CADPS2: variants seen among roughly 807,000 people sequenced by gnomAD.
CADPS2 encodes calcium dependent secretion activator 2, also known as calcium-dependent secretion activator 2.
Under a neutral mutation model 172.5 loss-of-function variants are expected in CADPS2, and 93 were observed. That is an observed-to-expected ratio of 0.54 (90% CI 0.46 to 0.64). The LOEUF (loss-of-function observed/expected upper bound fraction) is 0.64. Among genes scored for constraint, CADPS2 ranks in the 30% least tolerant of loss-of-function variants. The pLI is 0.00. For missense variants in CADPS2, 1,420 were observed against 1,565.9 expected, an observed-to-expected ratio of 0.91 and a Z score of 1.57; for synonymous variants, 546 against 555.2, an observed-to-expected ratio of 0.98 and a Z score of 0.23.
intron 7 of CADPS2, among the ~76,000 whole-genome samples, chr7:122,566,136 C>T (rs1361169731): frequency 6.6e-6 from 1 of 152,142 alleles, no homozygotes; most frequent in Non-Finnish European, 1.5e-5. Flanking sequence ...TAAAATCCTA[C>T]TGCATATATG....
chr7:122,468,266 G>A (rs1018810798), intron 14 of CADPS2, among the ~76,000 whole-genome samples: 8 of 152,268 alleles, frequency 5.3e-5, no homozygotes, highest in African/African-American at 1.4e-4. Context: ...ATGTAAAAAT[G>A]ATCATAAAAT....
intron 29 of CADPS2, among the ~76,000 whole-genome samples, chr7:122,325,012 T>C (rs1033821374): frequency 5.3e-5 from 8 of 152,216 alleles, no homozygotes; most frequent in Non-Finnish European, 1.2e-4. Flanking sequence ...AGAGGCATGC[T>C]TCCAAAAGGA....
chr7:122,783,908 T>C (rs1187714559), intron 1 of CADPS2, among the ~76,000 whole-genome samples: 1 of 152,342 alleles, frequency 6.6e-6, no homozygotes. Context: ...ACCGATGTTA[T>C]GCAAACTCTC....
intron 6 of CADPS2, among the ~76,000 whole-genome samples, chr7:122,606,507 A>T (rs2073565793): frequency 6.6e-6 from 1 of 152,120 alleles, no homozygotes; most frequent in Non-Finnish European, 1.5e-5. Flanking sequence ...GAACACACAC[A>T]AGAAAAAGAA....
chr7:122,661,571 T>A (rs759205124), intron 3 of CADPS2, among the ~76,000 whole-genome samples: 1 of 152,090 alleles, frequency 6.6e-6, no homozygotes, highest in African/African-American at 2.4e-5. Context: ...ATCTCAGAAC[T>A]GAAAGGAATT....
At chr7:122,663,593 A>C (rs1233863827) in intron 2 of CADPS2, 24 bp from the exon 3 acceptor site, 3 of 1,518,002 alleles carry the variant, frequency 2.0e-6, no homozygotes, top group Non-Finnish European at 2.7e-6. Context: ...AAAACAAAAC[A>C]AAACAAAAAA....
intron 14 of CADPS2, among the ~76,000 whole-genome samples, chr7:122,466,885 A>G (rs1438069269): frequency 6.6e-6 from 1 of 152,130 alleles, no homozygotes; most frequent in Non-Finnish European, 1.5e-5. Flanking sequence ...TCACTCAGAG[A>G]TATTTCCAAC....
chr7:122,852,517 T>A (rs973322063), intron 1 of CADPS2, among the ~76,000 whole-genome samples: 1 of 152,150 alleles, frequency 6.6e-6, no homozygotes, highest in African/African-American at 2.4e-5. Flanking sequence ...GGTAGCAACT[T>A]TAAATAGGGA....
At chr7:122,702,847 A>T in intron 2 of CADPS2, 1 of 880,830 alleles carries the variant, frequency 1.1e-6, no homozygotes, top group Non-Finnish European at 1.7e-6. Context: ...GCAGATTACT[A>T]AAGCACATAA....
chr7:122,789,529 A>G (rs901014090), intron 1 of CADPS2, among the ~76,000 whole-genome samples: 2 of 152,210 alleles, frequency 1.3e-5, no homozygotes, highest in Non-Finnish European at 2.9e-5. Flanking sequence ...CTCTAACCTC[A>G]AAACATCTTT....
intron 8 of CADPS2, among the ~76,000 whole-genome samples, chr7:122,513,532 A>G (rs2060148254): frequency 6.6e-6 from 1 of 152,208 alleles, no homozygotes; most frequent in South Asian, 2.1e-4. Context: ...TGACTTATCA[A>G]TTTGTCAGTC....
At position 122,388,411 on chromosome 7, in the gene CADPS2, T is replaced by C. The variant is rs1295257134; in HGVS notation, c.3164+172A>G. Among the ~76,000 whole-genome samples, 3 of 152,084 alleles carry C rather than the reference T, an allele frequency of 2.0e-5. No individual in the cohort carries two copies. In the East Asian group the frequency reaches 5.8e-4, roughly 29 times the overall value. On this transcript the variant is annotated intron_variant, in intron 23 of 29. Transcript: ENST00000449022. ...GAAAAAAAGTATCCAGCCAATTTCA[T>C]CAATTACATGGGTCCCCAGAATTTA...
At chr7:122,825,612 T>C (rs1310342902) in intron 1 of CADPS2, among the ~76,000 whole-genome samples, 2 of 152,148 alleles carry the variant, frequency 1.3e-5, no homozygotes, top group Non-Finnish European at 2.9e-5. Context: ...TGTGAATATA[T>C]CTTATTATAT....
intron 7 of CADPS2, among the ~76,000 whole-genome samples, chr7:122,576,928 T>G (rs1375012297): frequency 6.6e-6 from 1 of 151,888 alleles, no homozygotes; most frequent in East Asian, 1.9e-4. Context: ...CCTGGATAAT[T>G]TTTTGTATTT....
intron 1 of CADPS2, among the ~76,000 whole-genome samples, chr7:122,796,932 C>A (rs1419969599): frequency 6.6e-6 from 1 of 151,940 alleles, no homozygotes; most frequent in East Asian, 1.9e-4. Context: ...AGACAACCTA[C>A]AAAATAGGAG....
chr7:122,703,338 G>A (rs1289143733), intron 2 of CADPS2, among the ~76,000 whole-genome samples: 1 of 151,952 alleles, frequency 6.6e-6, no homozygotes, highest in African/African-American at 2.4e-5. Flanking sequence ...GCATTCTGTG[G>A]GATGGTTCAA....
At chr7:122,497,465 C>T (rs1018673563) in intron 9 of CADPS2, among the ~76,000 whole-genome samples, 5 of 152,156 alleles carry the variant, frequency 3.3e-5, no homozygotes, top group Admixed American at 2.6e-4. Context: ...TTTTCTCTCA[C>T]TGATTCCTTA....
chr7:122,612,296 G>A (rs976522810), intron 6 of CADPS2, among the ~76,000 whole-genome samples: 1 of 151,880 alleles, frequency 6.6e-6, no homozygotes, highest in Non-Finnish European at 1.5e-5. Flanking sequence ...ACATAGAAAA[G>A]TCTACAAAAT....
At chr7:122,835,135 A>C (rs959170387) in intron 1 of CADPS2, among the ~76,000 whole-genome samples, 1 of 152,162 alleles carries the variant, frequency 6.6e-6, no homozygotes. Context: ...GCAATATTCG[A>C]TGTTCTGCAG....
Sources: allele counts gnomAD v4.1 joint callset (sites outside exome capture counted in the v4.1 genomes callset), GRCh38; gene constraint gnomAD v4.1.1; transcripts MANE v1.5; gene names NCBI Gene and HGNC (gene_info 2026-07-23, HGNC 2026-07-21).